PTPRD: variants seen among roughly 807,000 people sequenced by gnomAD.
PTPRD encodes protein tyrosine phosphatase receptor type D.
In PTPRD, 34 loss-of-function variants were observed where a neutral mutation model predicts 214.5. The observed-to-expected ratio is 0.16, with a 90% CI of 0.12 to 0.21. The LOEUF (loss-of-function observed/expected upper bound fraction) is 0.21, where lower values mean the gene tolerates loss of function less well. Among genes scored for constraint, PTPRD ranks in the 10% least tolerant of loss-of-function variants. The pLI, the probability that PTPRD is intolerant of heterozygous loss-of-function variation, is 1.00. For missense variants in PTPRD, 2,545 were observed against 2,398.7 expected (o/e 1.06, Z -1.27); for synonymous variants, 1,128 against 845.7 (o/e 1.33, Z -5.79).
At chr9:10,317,720 T>A (rs1413027632) in intron 3 of PTPRD, among the ~76,000 whole-genome samples, 2 of 152,024 alleles carry the variant, frequency 1.3e-5, no homozygotes, top group Non-Finnish European at 1.5e-5. Context: ...ACAGATTTTT[T>A]AAAGCAAACA....
At chr9:8,522,106 G>T (rs2097903238) in intron 19 of PTPRD, among the ~76,000 whole-genome samples, 1 of 152,138 alleles carries the variant, frequency 6.6e-6, no homozygotes, top group South Asian at 2.1e-4. Context: ...GCAGCCTCAA[G>T]ACCTCACACT....
intron 3 of PTPRD, among the ~76,000 whole-genome samples, chr9:10,251,808 G>A (rs1415311231): frequency 1.3e-5 from 2 of 152,076 alleles, no homozygotes; most frequent in African/African-American, 4.8e-5. Flanking sequence ...ATCTGAAAAA[G>A]TTGAACTCAT....
At chr9:8,839,485 T>C (rs887093632) in intron 11 of PTPRD, among the ~76,000 whole-genome samples, 1 of 152,068 alleles carries the variant, frequency 6.6e-6, no homozygotes, top group Non-Finnish European at 1.5e-5. Flanking sequence ...CCACCATCCC[T>C]GGCTAATTTT....
intron 7 of PTPRD, among the ~76,000 whole-genome samples, chr9:9,586,423 CTTGAG>C (rs1402151926): frequency 6.6e-6 from 1 of 151,868 alleles, no homozygotes; most frequent in Non-Finnish European, 1.5e-5. Flanking sequence ...GATTATAATT[CTTGAG>C]TTGAGTTTTA....
chr9:9,947,920 C>A (rs746004334), intron 4 of PTPRD, among the ~76,000 whole-genome samples: 42 of 151,488 alleles, frequency 2.8e-4, no homozygotes, highest in Non-Finnish European at 4.0e-4. Flanking sequence ...TTATAGGGAG[C>A]AGATCAGTAG....
At chr9:8,692,723 G>A (rs72700368) in intron 12 of PTPRD, among the ~76,000 whole-genome samples, 2 of 152,162 alleles carry the variant, frequency 1.3e-5, no homozygotes, top group Non-Finnish European at 2.9e-5. Flanking sequence ...ACTGACCTAC[G>A]CCTCCTTTTG....
At chr9:9,925,806 A>T (rs1346954264) in intron 5 of PTPRD, among the ~76,000 whole-genome samples, 1 of 152,032 alleles carries the variant, frequency 6.6e-6, no homozygotes, top group Non-Finnish European at 1.5e-5. Flanking sequence ...AAAGAATCTC[A>T]AATCTATATA....
intron 2 of PTPRD, among the ~76,000 whole-genome samples, chr9:10,523,511 C>T (rs1225351983): frequency 6.7e-6 from 1 of 149,928 alleles, no homozygotes; most frequent in African/African-American, 2.5e-5. Flanking sequence ...AGTCTGACTT[C>T]AACCCTTTAA....
chr9:9,707,685 T>C (rs998477313), intron 7 of PTPRD, among the ~76,000 whole-genome samples: 12 of 152,150 alleles, frequency 7.9e-5, no homozygotes, highest in Non-Finnish European at 1.3e-4. Context: ...AAATACAACT[T>C]TTTTCTAAAA....
chr9:9,787,889 C>A (rs183673212), intron 5 of PTPRD, among the ~76,000 whole-genome samples: 8 of 151,982 alleles, frequency 5.3e-5, no homozygotes, highest in Admixed American at 1.3e-4. Context: ...TCAAGAGATT[C>A]TCCTGCCTTA....
chr9:10,171,334 A>C (rs1436652387), intron 3 of PTPRD, among the ~76,000 whole-genome samples: 5 of 151,780 alleles, frequency 3.3e-5, no homozygotes, highest in Non-Finnish European at 5.9e-5. Flanking sequence ...GGTTCTTGAT[A>C]TGGTTCCTGA....
chr9:10,367,766 G>A (rs1386531102), intron 2 of PTPRD, among the ~76,000 whole-genome samples: 1 of 152,022 alleles, frequency 6.6e-6, no homozygotes, highest in Non-Finnish European at 1.5e-5. Context: ...TTTATGTCAA[G>A]AAAGGCAAAA....
intron 11 of PTPRD, among the ~76,000 whole-genome samples, chr9:8,758,761 C>A (rs1235304901): frequency 6.9e-6 from 1 of 145,050 alleles, no homozygotes; most frequent in Non-Finnish European, 1.5e-5. Context: ...AGAAAATAAC[C>A]TTTTTTTTTT....
intron 11 of PTPRD, among the ~76,000 whole-genome samples, chr9:8,864,778 A>G (rs912322657): frequency 1.3e-5 from 2 of 152,194 alleles, no homozygotes; most frequent in Non-Finnish European, 2.9e-5. Context: ...CAGAGTCCCC[A>G]TGAGTAACTG....
intron 7 of PTPRD, among the ~76,000 whole-genome samples, chr9:9,648,015 G>A (rs755867982): frequency 6.6e-5 from 10 of 152,046 alleles, no homozygotes; most frequent in African/African-American, 2.4e-4. Flanking sequence ...TAAACATAGT[G>A]ATCTTTTATG....
chr9:9,955,690 ATTTTTTGTAT>A (rs1464024835), intron 4 of PTPRD, among the ~76,000 whole-genome samples: 3 of 151,590 alleles, frequency 2.0e-5, no homozygotes, highest in African/African-American at 7.3e-5. Flanking sequence ...TGCCCGACTA[ATTTTTTGTAT>A]TTTTAGTAGA....
At chr9:9,869,217 A>G (rs2153708447) in intron 5 of PTPRD, among the ~76,000 whole-genome samples, 1 of 152,314 alleles carries the variant, frequency 6.6e-6, no homozygotes, top group African/African-American at 2.4e-5. Flanking sequence ...AATAGGCTGC[A>G]AATATTCATG....
At chr9:10,223,687 A>ATAATAT (rs1269902262) in intron 3 of PTPRD, among the ~76,000 whole-genome samples, 82 of 139,812 alleles carry the variant, frequency 5.9e-4, no homozygotes, top group Non-Finnish European at 9.6e-4. Flanking sequence ...AATAATAATA[A>ATAATAT]TAATAATAAT....
At chr9:10,381,059 C>T (rs1443228434) in intron 2 of PTPRD, among the ~76,000 whole-genome samples, 3 of 151,496 alleles carry the variant, frequency 2.0e-5, no homozygotes, top group Admixed American at 1.3e-4. Context: ...TAATCATAGA[C>T]TATTAATTCA....
Sources: allele counts gnomAD v4.1 joint callset (sites outside exome capture counted in the v4.1 genomes callset), GRCh38; gene constraint gnomAD v4.1.1; transcripts MANE v1.5; gene names NCBI Gene and HGNC (gene_info 2026-07-23, HGNC 2026-07-21).